The following PLEKHA6 variants were observed in gnomAD, a reference collection of about 807,000 sequenced individuals.
PLEKHA6 encodes pleckstrin homology domain-containing family A member 6.
In PLEKHA6, 60 loss-of-function variants were observed where a neutral mutation model predicts 116.7. The observed-to-expected ratio is 0.51, with a 90% CI of 0.42 to 0.64. PLEKHA6 has a LOEUF of 0.64. Among genes scored for constraint, PLEKHA6 ranks in the 30% least tolerant of loss-of-function variants. The pLI, the probability that PLEKHA6 is intolerant of heterozygous loss-of-function variation, is 0.00. For missense variants in PLEKHA6, 1,338 were observed against 1,422.7 expected (o/e 0.94, Z 0.96); for synonymous variants, 489 against 556.1 (o/e 0.88, Z 1.70).
At chr1:204,355,111 G>T (rs1379218842) in intron 1 of PLEKHA6, among the ~76,000 whole-genome samples, 1 of 152,254 alleles carries the variant, frequency 6.6e-6, no homozygotes, top group African/African-American at 2.4e-5. Context: ...AGGAACAGGG[G>T]CACTTAGTCT....
At chr1:204,246,466 C>T (rs1465708251) in intron 13 of PLEKHA6, among the ~76,000 whole-genome samples, 5 of 152,294 alleles carry the variant, frequency 3.3e-5, no homozygotes, top group East Asian at 1.9e-4. Context: ...GGCTTGGCCA[C>T]GGGACATGGT....
rs1487182485 is a variant in PLEKHA6 at position 204,230,599 on chromosome 1, G to A, written c.2410-13C>T. On this transcript the variant is annotated splice_polypyrimidine_tract_variant and intron_variant, in intron 17 of 22. Coordinates refer to ENST00000272203, the MANE Select transcript of PLEKHA6 (RefSeq NM_014935.5). ...TCTTGGGGCGTTCCTGCTGCCATGG[G>A]AAAACAGGGCTCTGACAAGTGCCTT... The A allele has an allele frequency of 6.3e-7, 1 of 1,592,104 alleles. No individual in the cohort carries two copies. The highest frequency in any genetic ancestry group is 1.1e-5 in the South Asian group (1 of 87,200).
rs543112565 is a variant in PLEKHA6, at chr1:204,283,054, C to T, written c.-94-8245G>A. Among the ~76,000 whole-genome samples the T allele has an allele frequency of 9.1e-4, 139 of 152,332 alleles. 1 individual carries two copies. The highest frequency in any genetic ancestry group is 3.3e-3 in the African/African-American group (137 of 41,570). ...TTCCAGCTCTGAGTTGAATCTCAAACCCCTGCCCTTCAGTGGCTGAGGCAG... is the reference window on the plus strand; with the variant it reads ...TTCCAGCTCTGAGTTGAATCTCAAATCCCTGCCCTTCAGTGGCTGAGGCAG... On this transcript the variant is annotated intron_variant, in intron 1 of 22. Transcript: ENST00000272203.
At chr1:204,357,233 T>G (rs1673438532) in intron 1 of PLEKHA6, among the ~76,000 whole-genome samples, 1 of 152,180 alleles carries the variant, frequency 6.6e-6, no homozygotes, top group African/African-American at 2.4e-5. Context: ...ATGAGCTCCC[T>G]GTCACTGAAA....
In PLEKHA6 at chr1:204,259,251, G is replaced by C. The variant is rs1665779697; in HGVS notation, c.1007+7C>G. 4.3e-6 allele frequency: 7 copies of C among 1,611,952 alleles called. No homozygotes were observed. The East Asian group carries it at 1.6e-4, about 36-fold the overall frequency. On this transcript the variant is annotated splice_region_variant and intron_variant, in intron 8 of 22. Coordinates refer to ENST00000272203, the MANE Select transcript of PLEKHA6 (RefSeq NM_014935.5). This position sits in a 1 kb window ranked among gnomAD's most constrained non-coding sequence, Gnocchi z 4.6. ...TCAGCCCCACCCCAGCCGCCGGCATGCCTCACCTCCGAAGGTCTTCAGGCG... is the reference window on the plus strand; with the variant it reads ...TCAGCCCCACCCCAGCCGCCGGCATCCCTCACCTCCGAAGGTCTTCAGGCG...
intron 1 of PLEKHA6, among the ~76,000 whole-genome samples, chr1:204,374,335 T>A (rs1673828950): frequency 6.6e-6 from 1 of 152,176 alleles, no homozygotes; most frequent in South Asian, 2.1e-4. Flanking sequence ...TCAGTTGCCA[T>A]CTGCAGAGTG....
In PLEKHA6 at chr1:204,245,007, G is replaced by C; in HGVS notation, c.2033-4C>G. 7.1e-7 allele frequency: 1 copy of C among 1,417,802 alleles called. No individual in the cohort carries two copies. The highest frequency in any genetic ancestry group is 9.2e-7 in the Non-Finnish European group (1 of 1,083,236). 87.8% of individuals were successfully genotyped at this position (1,417,802 alleles called of 1,614,324 possible). On this transcript the variant is annotated splice_region_variant and splice_polypyrimidine_tract_variant and intron_variant, in intron 14 of 22. Coordinates refer to ENST00000272203, the MANE Select transcript of PLEKHA6 (RefSeq NM_014935.5). Reference sequence around the variant, plus strand: ...GTGGCTGAGGGGCCAAGTCCTCCTTGGGGGAAACAAGGGGATGGGTGAGCA... The same window carrying C: ...GTGGCTGAGGGGCCAAGTCCTCCTTCGGGGAAACAAGGGGATGGGTGAGCA...
chr1:204,319,620 G>A (rs1309081641), intron 1 of PLEKHA6, among the ~76,000 whole-genome samples: 5 of 152,178 alleles, frequency 3.3e-5, no homozygotes, highest in Non-Finnish European at 7.3e-5. Flanking sequence ...GTCAGAAGCA[G>A]GTATTTCTGA....
At chr1:204,355,993 ACACACAC>A (rs1413319420) in intron 1 of PLEKHA6, among the ~76,000 whole-genome samples, 10 of 72,512 alleles carry the variant, frequency 1.4e-4, no homozygotes, top group South Asian at 1.1e-3. Context: ...ACACACACAC[ACACACAC>A]AAAAAAAATC....
intron 1 of PLEKHA6, among the ~76,000 whole-genome samples, chr1:204,302,194 G>C (rs1670890227): frequency 6.6e-6 from 1 of 152,198 alleles, no homozygotes; most frequent in Admixed American, 6.5e-5. Flanking sequence ...TGTTACAAAT[G>C]AAGAATCTGA....
At chr1:204,346,489 CAAAT>C (rs1673057238) in intron 1 of PLEKHA6, among the ~76,000 whole-genome samples, 1 of 152,124 alleles carries the variant, frequency 6.6e-6, no homozygotes, top group South Asian at 2.1e-4. Context: ...AAAGTGGAGT[CAAAT>C]AAATAACCAC....
intron 1 of PLEKHA6, among the ~76,000 whole-genome samples, chr1:204,347,738 G>A (rs1434507094): frequency 2.0e-5 from 3 of 152,004 alleles, no homozygotes; most frequent in South Asian, 2.1e-4. Flanking sequence ...GGCTTCAGTC[G>A]GTCCCTCCGT....
At chr1:204,305,070 G>A (rs906675076) in intron 1 of PLEKHA6, among the ~76,000 whole-genome samples, 1 of 152,126 alleles carries the variant, frequency 6.6e-6, no homozygotes, top group Admixed American at 6.5e-5. Flanking sequence ...AGAATTACCT[G>A]AGGAAAAAAA....
chr1:204,322,673 G>T (rs1209879773), intron 1 of PLEKHA6, among the ~76,000 whole-genome samples: 1 of 152,090 alleles, frequency 6.6e-6, no homozygotes, highest in African/African-American at 2.4e-5. Context: ...GCAGATAATG[G>T]GCCTCCTGTG....
At chr1:204,249,011 C>T (rs1382540889) in intron 11 of PLEKHA6, 41 bp from the exon 12 acceptor site, 15 of 1,605,790 alleles carry the variant, frequency 9.3e-6, no homozygotes, top group African/African-American at 1.3e-5. Flanking sequence ...GCCCTGACAG[C>T]TCCTCTCTGG....
At chr1:204,292,710 A>G (rs1220196299) in intron 1 of PLEKHA6, among the ~76,000 whole-genome samples, 1 of 152,250 alleles carries the variant, frequency 6.6e-6, no homozygotes, top group Non-Finnish European at 1.5e-5. Flanking sequence ...AGCACCTGAG[A>G]GGCTCCTGGG....
chr1:204,355,468 C>T (rs1038913957), intron 1 of PLEKHA6, among the ~76,000 whole-genome samples: 4 of 152,146 alleles, frequency 2.6e-5, no homozygotes, highest in Non-Finnish European at 4.4e-5. Context: ...GAGACAGAGT[C>T]TTGTTCTGTC....
intron 1 of PLEKHA6, among the ~76,000 whole-genome samples, chr1:204,375,135 G>A (rs1282828086): frequency 1.3e-5 from 2 of 151,886 alleles, no homozygotes; most frequent in East Asian, 3.9e-4. Context: ...TCCCTTCCTT[G>A]ACACTGGTGC....
intron 17 of PLEKHA6, among the ~76,000 whole-genome samples, chr1:204,233,187 CTTT>C (rs57991213): frequency 1.8e-4 from 23 of 129,802 alleles, no homozygotes; most frequent in Non-Finnish European, 2.4e-4. Context: ...TTTTCTTTTT[CTTT>C]TTTTTTTTTT....
Sources: allele counts gnomAD v4.1 joint callset (sites outside exome capture counted in the v4.1 genomes callset), GRCh38; gene constraint gnomAD v4.1.1; non-coding constraint Gnocchi (gnomAD v3.1); transcripts MANE v1.5; gene names NCBI Gene and HGNC (gene_info 2026-07-23, HGNC 2026-07-21).